LAMP5: variants seen among roughly 807,000 people sequenced by gnomAD.
LAMP5 encodes the protein lysosome-associated membrane glycoprotein 5.
A neutral mutation model predicts 30.2 loss-of-function variants in LAMP5; 36 were observed. The ratio of observed to expected loss-of-function variants is 1.19; its 90% CI spans 0.91 to 1.57. LAMP5 has a LOEUF of 1.57. Ranked by LOEUF, LAMP5 falls within the 40% of genes most tolerant of loss-of-function variation. The probability of loss-of-function intolerance (pLI) is 0.00; values close to 1 mark genes in which losing one functional copy is unlikely to be tolerated. For missense variants in LAMP5, 377 were observed against 354.9 expected (o/e 1.06, Z -0.50); for synonymous variants, 149 against 134.6 (o/e 1.11, Z -0.74).
At position 9,516,142 on chromosome 20, in the gene LAMP5, G is replaced by T; in HGVS notation, c.369+11G>T. The T allele has an allele frequency of 6.4e-7, 1 of 1,573,248 alleles. No individual in the cohort carries two copies. The highest frequency in any genetic ancestry group is 8.6e-7 in the Non-Finnish European group (1 of 1,160,972). On this transcript the variant is annotated intron_variant, in intron 3 of 5. Coordinates refer to ENST00000246070, the MANE Select transcript of LAMP5 (RefSeq NM_012261.4). ...ATGCTCTTTGTAAAGGTAACTCCGA[G>T]CCCAGCGGGCAGAGGGGCCGCAGGC...
At chr20:9,521,689 A>G (rs2045080584) in intron 5 of LAMP5, among the ~76,000 whole-genome samples, 1 of 152,304 alleles carries the variant, frequency 6.6e-6, no homozygotes, top group East Asian at 1.9e-4. Context: ...GGCCTCATTC[A>G]AAGTCCTGCA....
At chr20:9,518,296 C>T in intron 5 of LAMP5, 68 bp downstream of exon 5, 1 of 1,360,670 alleles carries the variant, frequency 7.3e-7, no homozygotes, top group Non-Finnish European at 1.0e-6. Flanking sequence ...GAGGGACCTA[C>T]CAGGGCCCCA....
rs2045062339 is a variant in LAMP5, at chr20:9,519,028, A to G, written c.664+800A>G. 2.0e-5 allele frequency among the ~76,000 whole-genome samples: 3 copies of G among 152,180 alleles called. No individual in the cohort carries two copies. The South Asian group carries it at 6.2e-4, about 32-fold the overall frequency. On this transcript the variant is annotated intron_variant, in intron 5 of 5. Coordinates refer to ENST00000246070, the MANE Select transcript of LAMP5 (RefSeq NM_012261.4). ...AGCTGTGCTGTGGCAGGTTCAGGTC[A>G]AACACATTCTTTTCATCTCAGCACC...
rs111470150 is a variant in LAMP5, at chr20:9,516,025, C to G, written c.263C>G (p.Ala88Gly). The change falls in exon 3 of 6, where the codon GCA becomes GGA. Residue 88 changes from alanine (A) to glycine (G), a missense_variant. Coordinates refer to ENST00000246070, the MANE Select transcript of LAMP5 (RefSeq NM_012261.4). Reference protein sequence around the residue: ...VDLITEQADIALTRGAEVKGR... With the variant: ...VDLITEQADIGLTRGAEVKGR... ...CTGATCACAGAACAGGCCGATATCG[C>G]ATTGACCCGGGGAGCTGAGGTGAAG... The G allele has an allele frequency of 3.4e-5, 52 of 1,529,818 alleles. No homozygotes were observed. The African/African-American group carries it at 6.0e-4, about 18-fold the overall frequency. The allele number at this position is 1,529,818 out of a possible 1,614,324, so 94.8% of individuals were successfully genotyped here.
rs200509210 is a variant in LAMP5 at position 9,516,096 on chromosome 20, G to A, written c.334G>A (p.Asp112Asn). Residue 112 changes from aspartate to asparagine, a missense_variant, in exon 3 of 6, where the codon GAT (aspartate) becomes AAT (asparagine). Asp to Asn is a conservative substitution (Grantham distance 23). Coordinates refer to ENST00000246070, the MANE Select transcript of LAMP5 (RefSeq NM_012261.4). ...SQSELQVFWV[D>N]RAYALKMLFV... Reference sequence around the variant, plus strand: ...GTCGGAGCTGCAAGTGTTCTGGGTGGATCGCGCATATGCACTCAAAATGCT... The same window carrying A: ...GTCGGAGCTGCAAGTGTTCTGGGTGAATCGCGCATATGCACTCAAAATGCT... The A allele has an allele frequency of 4.7e-4, 730 of 1,551,720 alleles. 9 individuals are homozygous for A. The South Asian group carries it at 6.4e-3, about 14-fold the overall frequency.
At chr20:9,524,865 G>A (rs1401150836) in intron 5 of LAMP5, among the ~76,000 whole-genome samples, 1 of 152,178 alleles carries the variant, frequency 6.6e-6, no homozygotes, top group Non-Finnish European at 1.5e-5. Flanking sequence ...TGCCAAACAA[G>A]TGATTACAAA....
intron 5 of LAMP5, among the ~76,000 whole-genome samples, chr20:9,519,815 G>C (rs2045067699): frequency 6.6e-6 from 1 of 152,152 alleles, no homozygotes; most frequent in African/African-American, 2.4e-5. Flanking sequence ...CTGTTACTAG[G>C]CGCTTCTTTA....
At chr20:9,517,051 T>C (rs8117167) in intron 4 of LAMP5, among the ~76,000 whole-genome samples, 34,007 of 152,204 alleles carry the variant, frequency 0.22, 4,038 homozygotes, top group South Asian at 0.34. Flanking sequence ...TCACTCATAA[T>C]GAGGCCCTTC....
rs780153708 is a variant in LAMP5, at chr20:9,514,885, C to A, written c.33C>A (p.Ile11=). 6.2e-7 allele frequency: 1 copy of A among 1,614,052 alleles called. No homozygotes were observed. The highest frequency in any genetic ancestry group is 8.5e-7 in the Non-Finnish European group (1 of 1,180,022). The change falls in exon 1 of 6, where the codon ATC becomes ATA. Residue 11 remains isoleucine (I), a synonymous_variant. Coordinates refer to ENST00000246070, the MANE Select transcript of LAMP5 (RefSeq NM_012261.4). MDLQGRGVPS[I]DRLRVLLMLF... is the part of the protein sequence containing the mutation. Reference sequence around the variant, plus strand: ...TCCAAGGAAGAGGGGTCCCCAGCATCGACAGACTTCGAGTTCTCCTGATGT... The same window carrying A: ...TCCAAGGAAGAGGGGTCCCCAGCATAGACAGACTTCGAGTTCTCCTGATGT...
chr20:9,526,635 G>A (rs1049752172), intron 5 of LAMP5, among the ~76,000 whole-genome samples: 7 of 151,934 alleles, frequency 4.6e-5, no homozygotes, highest in African/African-American at 1.7e-4. Flanking sequence ...CAAAGTGTTG[G>A]GACTCATTAG....
At chr20:9,519,443 G>A (rs2122835527) in intron 5 of LAMP5, among the ~76,000 whole-genome samples, 1 of 152,306 alleles carries the variant, frequency 6.6e-6, no homozygotes, top group Admixed American at 6.5e-5. Context: ...AGGCATTTGA[G>A]AAGTCCTAAG....
At chr20:9,524,773 C>T (rs191432059) in intron 5 of LAMP5, among the ~76,000 whole-genome samples, 11 of 152,188 alleles carry the variant, frequency 7.2e-5, no homozygotes, top group East Asian at 1.9e-4. Context: ...CTGTTTCCTG[C>T]GGTGAAACAT....
chr20:9,528,603 G>A (rs1465885340), intron 5 of LAMP5, among the ~76,000 whole-genome samples: 1 of 152,048 alleles, frequency 6.6e-6, no homozygotes, highest in Non-Finnish European at 1.5e-5. Flanking sequence ...CCATAAATAT[G>A]TATGAATAGT....
chr20:9,529,649 A>C lies in LAMP5; in HGVS notation c.672A>C (p.Lys224Asn). The C allele has an allele frequency of 5.0e-6, 8 of 1,614,106 alleles. No homozygotes were observed. The highest frequency in any genetic ancestry group is 5.9e-6 in the Non-Finnish European group (7 of 1,179,984). Residue 224 changes from lysine (K) to asparagine (N), a missense_variant, in exon 6 of 6, where the codon AAA (lysine) becomes AAC (asparagine). By Grantham distance (94) the Lys-to-Asn change is moderately conservative (BLOSUM62 0). Transcript: ENST00000246070. ...ISDFVFSEEH[K>N]CPVDEREQLE... The stretch of plus-strand genomic sequence containing the variant: ...TCTTCTTTCCCATTGCAGAGCATAA[A>C]TGCCCAGTGGATGAGCGGGAGCAAC...
intron 5 of LAMP5, among the ~76,000 whole-genome samples, chr20:9,528,093 G>T (rs1466102017): frequency 6.6e-6 from 1 of 152,190 alleles, no homozygotes; most frequent in Non-Finnish European, 1.5e-5. Flanking sequence ...AAAATGTGGT[G>T]CATATACATA....
intron 5 of LAMP5, among the ~76,000 whole-genome samples, chr20:9,528,763 C>G (rs529174323): frequency 6.6e-5 from 10 of 152,282 alleles, no homozygotes; most frequent in South Asian, 2.1e-4. Flanking sequence ...TTTTCCTTTC[C>G]CCAGATATAA....
At chr20:9,525,931 G>A (rs573319954) in intron 5 of LAMP5, among the ~76,000 whole-genome samples, 21 of 152,256 alleles carry the variant, frequency 1.4e-4, no homozygotes, top group East Asian at 5.8e-4. Context: ...GTTGTATTTC[G>A]GGCTTCTGGC....
intron 4 of LAMP5, among the ~76,000 whole-genome samples, chr20:9,517,248 T>C (rs2045046980): frequency 6.6e-6 from 1 of 152,128 alleles, no homozygotes; most frequent in South Asian, 2.1e-4. Context: ...AAATCAAACT[T>C]AGGTCAGAAA....
chr20:9,519,011 T>C (rs959254786), intron 5 of LAMP5, among the ~76,000 whole-genome samples: 5 of 152,244 alleles, frequency 3.3e-5, no homozygotes, highest in Admixed American at 6.5e-5. Context: ...CCAGCTGTGC[T>C]GTGGCAGGTT....
Sources: allele counts gnomAD v4.1 joint callset (sites outside exome capture counted in the v4.1 genomes callset), GRCh38; gene constraint gnomAD v4.1.1; transcripts MANE v1.5; gene names NCBI Gene and HGNC (gene_info 2026-07-23, HGNC 2026-07-21).